The following ARID1B variants were observed in gnomAD, a reference collection of about 807,000 sequenced individuals.
ARID1B encodes the protein AT-rich interactive domain-containing protein 1B.
In ARID1B, 30 loss-of-function variants were observed where a neutral mutation model predicts 212.3. The observed-to-expected ratio is 0.14, with a 90% CI of 0.11 to 0.19. The LOEUF is 0.19. ARID1B is among the 10% of genes least tolerant of loss of function. The pLI is 1.00. For missense variants in ARID1B, 2,891 were observed against 3,204.0 expected, an observed-to-expected ratio of 0.90 and a Z score of 2.36; for synonymous variants, 1,402 against 1,301.7, an observed-to-expected ratio of 1.08 and a Z score of -1.66.
intron 4 of ARID1B, among the ~76,000 whole-genome samples, chr6:157,074,604 G>A (rs1259970538): frequency 6.6e-6 from 1 of 152,212 alleles, no homozygotes; most frequent in African/African-American, 2.4e-5. Context: ...AGAGGAATTA[G>A]GCAATATGAT....
intron 4 of ARID1B, among the ~76,000 whole-genome samples, chr6:156,989,570 A>G (rs949792845): frequency 1.3e-5 from 2 of 152,212 alleles, no homozygotes; most frequent in Admixed American, 6.5e-5. Context: ...TTTAATCCCA[A>G]TTGGGCCGCC....
intron 2 of ARID1B, among the ~76,000 whole-genome samples, chr6:156,877,494 T>C (rs1347739705): frequency 6.7e-6 from 1 of 148,530 alleles, no homozygotes; most frequent in Non-Finnish European, 1.5e-5. Flanking sequence ...CCTACATTTA[T>C]TCAACGTCTA....
chr6:157,205,993 T>A (rs1794414078), intron 19 of ARID1B, 174 bp from the exon 20 acceptor site: 20 of 714,900 alleles, frequency 2.8e-5, no homozygotes, highest in Non-Finnish European at 3.6e-5. Context: ...ATTCAGGAAG[T>A]TCGCTGGACC....
At chr6:157,096,622 C>T (rs1785652426) in intron 5 of ARID1B, among the ~76,000 whole-genome samples, 1 of 152,240 alleles carries the variant, frequency 6.6e-6, no homozygotes, top group Admixed American at 6.5e-5. Flanking sequence ...CTCCTTGTCC[C>T]CTGGCACTCA....
intron 4 of ARID1B, among the ~76,000 whole-genome samples, chr6:156,986,105 C>T (rs761231907): frequency 9.2e-5 from 14 of 152,142 alleles, no homozygotes; most frequent in African/African-American, 2.9e-4. Flanking sequence ...GAAGGGAAAG[C>T]GATCTAGGGA....
intron 4 of ARID1B, among the ~76,000 whole-genome samples, chr6:157,016,461 G>A (rs1779927318): frequency 6.6e-6 from 1 of 152,188 alleles, no homozygotes; most frequent in African/African-American, 2.4e-5. Context: ...AATACAGCAA[G>A]TCCTTGAATA....
intron 4 of ARID1B, among the ~76,000 whole-genome samples, chr6:156,978,943 G>C (rs1479622099): frequency 1.3e-5 from 2 of 152,068 alleles, no homozygotes; most frequent in African/African-American, 4.8e-5. Flanking sequence ...AAATGTATAT[G>C]ATAATACATT....
intron 4 of ARID1B, among the ~76,000 whole-genome samples, chr6:157,012,869 G>C (rs190567025): frequency 1.3e-5 from 2 of 149,478 alleles, no homozygotes; most frequent in East Asian, 3.9e-4. Flanking sequence ...ATGGCATGAG[G>C]TTTTGTTTTG....
In ARID1B at chr6:157,052,933, T is replaced by C. The variant is rs529046750; in HGVS notation, c.2248-31729T>C. 4.2e-3 allele frequency among the ~76,000 whole-genome samples: 646 copies of C among 152,120 alleles called. 1 individual carries two copies. The highest frequency in any genetic ancestry group is 0.024 in the Middle Eastern group (7 of 292). Reference sequence around the variant, plus strand: ...CGGGGTTTCACCATGTTGGCCAGTATTGTCTCGATCTCCTGACCTCGTGAT... The same window carrying C: ...CGGGGTTTCACCATGTTGGCCAGTACTGTCTCGATCTCCTGACCTCGTGAT... On this transcript the variant is annotated intron_variant, in intron 4 of 19. Transcript: ENST00000636930.
Position 157,173,996 on chromosome 6 carries a change from G to C in ARID1B, c.3236-12G>C. On this transcript the variant is annotated splice_polypyrimidine_tract_variant and intron_variant, in intron 9 of 19. Coordinates refer to ENST00000636930, the MANE Select transcript of ARID1B (RefSeq NM_001374828.1). ...CATATAATCCTAAACTCTTTCTCCT[G>C]TTTTCGATTAGCATCTGTGGGTCTT... The C allele has an allele frequency of 6.2e-7, 1 of 1,609,562 alleles. No individual in the cohort carries two copies. Among genetic ancestry groups the C allele is most frequent in the South Asian group, 1.1e-5 (1 of 90,988 alleles).
At chr6:157,133,764 T>G (rs1231777606) in intron 7 of ARID1B, among the ~76,000 whole-genome samples, 1 of 152,164 alleles carries the variant, frequency 6.6e-6, no homozygotes, top group Non-Finnish European at 1.5e-5. Flanking sequence ...TTACATGTCT[T>G]TCACAAGAGA....
At chr6:157,133,642 C>T (rs1788706652) in intron 7 of ARID1B, among the ~76,000 whole-genome samples, 1 of 152,170 alleles carries the variant, frequency 6.6e-6, no homozygotes, top group Non-Finnish European at 1.5e-5. Flanking sequence ...GGCATTGCCC[C>T]GCACATCCCT....
chr6:156,923,851 G>C (rs1791004734), intron 3 of ARID1B, among the ~76,000 whole-genome samples: 1 of 151,986 alleles, frequency 6.6e-6, no homozygotes, highest in African/African-American at 2.4e-5. Context: ...GGGGTTACAG[G>C]TGTGCGCCAC....
At chr6:156,921,481 ACACACACACAC>A (rs1790790738) in intron 3 of ARID1B, among the ~76,000 whole-genome samples, 2 of 147,996 alleles carry the variant, frequency 1.4e-5, no homozygotes, top group African/African-American at 5.2e-5. Flanking sequence ...ACACACACAC[ACACACACACAC>A]AAAATGTAAG....
chr6:156,947,355 T>C (rs1793226489), intron 4 of ARID1B, among the ~76,000 whole-genome samples: 1 of 152,252 alleles, frequency 6.6e-6, no homozygotes, highest in Non-Finnish European at 1.5e-5. Flanking sequence ...TCATTATTAA[T>C]TCCTCCTTCT....
rs141903709 is a variant in ARID1B, at chr6:157,149,268, A to G, written c.3089+317A>G. The G allele has an allele frequency of 3.2e-3, 1,023 of 318,990 alleles. 8 individuals carry two copies. Among genetic ancestry groups the G allele is most frequent in the African/African-American group, 0.018 (887 of 49,174 alleles). 19.8% of individuals were successfully genotyped at this position (318,990 alleles called of 1,614,324 possible). A position where few individuals can be genotyped will look rare whatever the true frequency, so the allele number is the denominator to read the frequency against. ...TTGCACAGGGAAGTGTCTGCGTGGT[A>G]CCAATTGAAGCAGTGACTTTTAAGC... On this transcript the variant is annotated intron_variant, in intron 8 of 19. Coordinates refer to ENST00000636930, the MANE Select transcript of ARID1B (RefSeq NM_001374828.1).
At chr6:157,197,107 A>G (rs976407432) in intron 16 of ARID1B, among the ~76,000 whole-genome samples, 9 of 152,240 alleles carry the variant, frequency 5.9e-5, no homozygotes, top group African/African-American at 1.9e-4. Flanking sequence ...CCTGACTTCA[A>G]TACTCATTGT....
intron 6 of ARID1B, among the ~76,000 whole-genome samples, chr6:157,115,355 C>G (rs988582887): frequency 1.3e-5 from 2 of 152,122 alleles, no homozygotes; most frequent in East Asian, 3.9e-4. Flanking sequence ...CATAGTATTG[C>G]CTCCTCTACA....
Position 157,009,888 on chromosome 6 carries a change from C to G in ARID1B, c.2247+74312C>G, listed in dbSNP as rs115942187. 5.6e-3 allele frequency among the ~76,000 whole-genome samples: 849 copies of G among 152,308 alleles called. 8 individuals carry two copies. Among genetic ancestry groups the G allele is most frequent in the African/African-American group, 0.02 (819 of 41,558 alleles). On this transcript the variant is annotated intron_variant, in intron 4 of 19. Coordinates refer to ENST00000636930, the MANE Select transcript of ARID1B (RefSeq NM_001374828.1). ...AACACAGGTTGTCACCTACACAGCC[C>G]ATGGTTTGACCCACCCCTTGAGTGA...
Sources: allele counts gnomAD v4.1 joint callset (sites outside exome capture counted in the v4.1 genomes callset), GRCh38; gene constraint gnomAD v4.1.1; transcripts MANE v1.5; gene names NCBI Gene and HGNC (gene_info 2026-07-23, HGNC 2026-07-21).